The following IQSEC3 variants were observed in gnomAD, a reference collection of about 807,000 sequenced individuals.
IQSEC3 encodes the protein IQ motif and SEC7 domain-containing protein 3.
A neutral mutation model predicts 105.4 loss-of-function variants in IQSEC3; 50 were observed. That is an observed-to-expected ratio of 0.47 (90% CI 0.38 to 0.60). The LOEUF is 0.60. Among genes scored for constraint, IQSEC3 ranks in the 20% least tolerant of loss-of-function variants. The probability of loss-of-function intolerance (pLI) is 0.00; values close to 1 mark genes in which losing one functional copy is unlikely to be tolerated. For missense variants in IQSEC3, 1,415 were observed against 1,630.0 expected (o/e 0.87, Z 2.27); for synonymous variants, 708 against 746.0 (o/e 0.95, Z 0.83).
At chr12:91,674 G>A (rs187288331) in intron 1 of IQSEC3, among the ~76,000 whole-genome samples, 177 of 152,316 alleles carry the variant, frequency 1.2e-3, no homozygotes, top group African/African-American at 4.1e-3. Flanking sequence ...AACTACTTGG[G>A]AGCATTGCTT....
chr12:161,779 G>A lies in IQSEC3; in HGVS notation c.2444-147G>A, dbSNP rs181970712. 3.3e-4 allele frequency: 225 copies of A among 679,926 alleles called. 1 individual carries two copies. Among genetic ancestry groups the A allele is most frequent in the Middle Eastern group, 4.1e-4 (1 of 2,414 alleles). 42.1% of individuals were successfully genotyped at this position (679,926 alleles called of 1,614,324 possible). On this transcript the variant is annotated intron_variant, in intron 7 of 13. Coordinates refer to ENST00000538872, the MANE Select transcript of IQSEC3 (RefSeq NM_001170738.2). ...AACTTGTTCTTAATTGAATGGGTATGAGGCACCAGCCATTGAAGGCATGGC... is the reference window on the plus strand; with the variant it reads ...AACTTGTTCTTAATTGAATGGGTATAAGGCACCAGCCATTGAAGGCATGGC...
chr12:115,506 G>A (rs1555080462), intron 2 of IQSEC3, among the ~76,000 whole-genome samples: 1 of 152,168 alleles, frequency 6.6e-6, no homozygotes, highest in Non-Finnish European at 1.5e-5. Context: ...ATGAGACAAG[G>A]TCCCTGCTCT....
At position 163,510 on chromosome 12, in the gene IQSEC3, A is replaced by AC; in HGVS notation, c.2602dup (p.Arg868ProfsTer33). ...CGCGTGCAGGTGCTGTCCGTGCCCC[A>AC]CCGCCGCCTGGTGTGCTGCAGCCGG... On this transcript the variant is annotated frameshift_variant, in exon 9 of 14. Transcript: ENST00000538872. LOFTEE classifies it high-confidence loss of function. 6.2e-7 allele frequency: 1 copy of AC among 1,609,276 alleles called. No individual in the cohort carries two copies. Among genetic ancestry groups the AC allele is most frequent in the Non-Finnish European group, 8.5e-7 (1 of 1,178,076 alleles).
At chr12:164,349 A>AC (rs1867069147) in intron 9 of IQSEC3, among the ~76,000 whole-genome samples, 1 of 150,360 alleles carries the variant, frequency 6.7e-6, no homozygotes, top group South Asian at 2.2e-4. Flanking sequence ...GGCTCTCCCC[A>AC]CCCCCCTGAG....
At chr12:97,326 G>T (rs1287430266) in intron 1 of IQSEC3, among the ~76,000 whole-genome samples, 7 of 151,948 alleles carry the variant, frequency 4.6e-5, no homozygotes, top group African/African-American at 4.8e-5. Flanking sequence ...TAGGGTATTT[G>T]TTTTCATACA....
At chr12:107,223 A>T (rs1027688790) in intron 2 of IQSEC3, among the ~76,000 whole-genome samples, 7 of 152,090 alleles carry the variant, frequency 4.6e-5, no homozygotes, top group African/African-American at 1.7e-4. Flanking sequence ...TTGTTCTAAG[A>T]TTATTTTGAC....
chr12:100,826 C>T (rs536665746), intron 2 of IQSEC3, among the ~76,000 whole-genome samples: 17 of 152,122 alleles, frequency 1.1e-4, no homozygotes, highest in African/African-American at 3.4e-4. Flanking sequence ...GAGAATGAAA[C>T]GGTGGAGGGA....
intron 2 of IQSEC3, among the ~76,000 whole-genome samples, chr12:103,824 A>AG (rs1864538305): frequency 2.6e-4 from 1 of 3,892 alleles, no homozygotes; most frequent in Non-Finnish European, 4.7e-4. Context: ...GTGGGGAGGC[A>AG]GGACTCAGGA....
At chr12:117,023 C>A (rs1337183940) in intron 2 of IQSEC3, among the ~76,000 whole-genome samples, 1 of 152,094 alleles carries the variant, frequency 6.6e-6, no homozygotes, top group Admixed American at 6.5e-5. Flanking sequence ...ATATAAAATA[C>A]CTCATAATAA....
At chr12:171,190 G>A (rs782685825) in intron 13 of IQSEC3, 29 bp downstream of exon 13, 92 of 1,613,960 alleles carry the variant, frequency 5.7e-5, no homozygotes, top group Non-Finnish European at 7.8e-5. Flanking sequence ...GCCCAGGTGA[G>A]TGACTACCCT....
chr12:79,488 T>A (rs782507772), intron 1 of IQSEC3, among the ~76,000 whole-genome samples: 9 of 152,186 alleles, frequency 5.9e-5, no homozygotes, highest in Admixed American at 1.3e-4. Flanking sequence ...TGGAGTACAG[T>A]GGCACAATCA....
intron 1 of IQSEC3, among the ~76,000 whole-genome samples, chr12:83,694 A>G (rs1863824662): frequency 8.7e-6 from 1 of 114,976 alleles, no homozygotes; most frequent in Non-Finnish European, 1.9e-5. Context: ...GGTTGATGGG[A>G]AGGCGGGCGG....
chr12:165,042 G>C (rs142796700), intron 9 of IQSEC3, among the ~76,000 whole-genome samples: 1 of 152,302 alleles, frequency 6.6e-6, no homozygotes, highest in Non-Finnish European at 1.5e-5. Context: ...TAATGCAGCC[G>C]TGCAAAAAGC....
At chr12:113,926 A>G (rs1236736171) in intron 2 of IQSEC3, among the ~76,000 whole-genome samples, 1 of 152,234 alleles carries the variant, frequency 6.6e-6, no homozygotes, top group African/African-American at 2.4e-5. Flanking sequence ...GAATCACTGT[A>G]ATGTGTGGCA....
intron 1 of IQSEC3, among the ~76,000 whole-genome samples, chr12:75,020 G>A (rs551059242): frequency 4.9e-4 from 74 of 152,386 alleles, no homozygotes; most frequent in African/African-American, 1.6e-3. Flanking sequence ...GGAGGTCCCC[G>A]TGCCTTCCAG....
At chr12:94,501 A>G (rs1864185888) in intron 1 of IQSEC3, among the ~76,000 whole-genome samples, 1 of 152,234 alleles carries the variant, frequency 6.6e-6, no homozygotes, top group African/African-American at 2.4e-5. Flanking sequence ...AGGAGACCCA[A>G]GGAGCAGGAG....
At position 175,193 on chromosome 12, in the gene IQSEC3, T is replaced by G. The variant is rs912263972; in HGVS notation, c.*160T>G. On this transcript the variant is annotated 3_prime_UTR_variant, in exon 14 of 14. Transcript: ENST00000538872. Reference sequence around the variant, plus strand: ...ATCCCTGGCACCTGGGTTTGCCTCATCCAACCATCCTTCCCTTTCTCAGCT... The same window carrying G: ...ATCCCTGGCACCTGGGTTTGCCTCAGCCAACCATCCTTCCCTTTCTCAGCT... The G allele has an allele frequency of 6.2e-5, 38 of 609,112 alleles. No homozygotes were observed. Among genetic ancestry groups the G allele is most frequent in the African/African-American group, 6.1e-4 (33 of 54,086 alleles). The allele number at this position is 609,112 out of a possible 1,614,324, so 37.7% of individuals were successfully genotyped here.
At position 83,716 on chromosome 12, in the gene IQSEC3, G is replaced by T. The variant is rs764643691; in HGVS notation, c.555-15430G>T. Among the ~76,000 whole-genome samples, 14 of 145,876 alleles carry T rather than the reference G, an allele frequency of 9.6e-5. No individual in the cohort carries two copies. The East Asian group carries it at 1.2e-3, about 13-fold the overall frequency. On this transcript the variant is annotated intron_variant, in intron 1 of 13. Transcript: ENST00000538872. ...GGGAAGGCGGGCGGGGGAGGAGGTG[G>T]GTTGAGAAGTGGAATGATGTGATCC...
At chr12:163,844 G>A (rs1269776104) in intron 9 of IQSEC3, among the ~76,000 whole-genome samples, 2 of 152,180 alleles carry the variant, frequency 1.3e-5, no homozygotes, top group Non-Finnish European at 2.9e-5. Context: ...ACACCGAGAC[G>A]TCAGATGATC....
Sources: allele counts gnomAD v4.1 joint callset (sites outside exome capture counted in the v4.1 genomes callset), GRCh38; gene constraint gnomAD v4.1.1; transcripts MANE v1.5; gene names NCBI Gene and HGNC (gene_info 2026-07-23, HGNC 2026-07-21).